Variants in C16orf87 observed in about 807,000 individuals in gnomAD.
C16orf87 encodes UPF0547 protein C16orf87.
In C16orf87, 13 loss-of-function variants were observed where a neutral mutation model predicts 21.0. That is an observed-to-expected ratio of 0.62 (90% CI 0.40 to 0.98). The LOEUF is 0.98. Ranked by LOEUF, C16orf87 falls within the 50% of genes least tolerant of loss-of-function variation. The probability of loss-of-function intolerance (pLI) is 0.00; values close to 1 mark genes in which losing one functional copy is unlikely to be tolerated. For missense variants in C16orf87, 113 were observed against 180.4 expected (o/e 0.63, Z 2.14); for synonymous variants, 49 against 60.2 (o/e 0.81, Z 0.86).
At chr16:46,828,084 A>G (rs1460806066) in intron 1 of C16orf87, among the ~76,000 whole-genome samples, 1 of 151,806 alleles carries the variant, frequency 6.6e-6, no homozygotes, top group Non-Finnish European at 1.5e-5. Flanking sequence ...ACAGAGGTGC[A>G]TGCCACCACA....
intron 1 of C16orf87, among the ~76,000 whole-genome samples, chr16:46,829,211 T>A (rs922205122): frequency 6.6e-5 from 10 of 152,084 alleles, no homozygotes; most frequent in Admixed American, 5.2e-4. Context: ...AAGACAGCCA[T>A]CTGCAAGCCA....
chr16:46,808,123 G>GT (rs1199450916), intron 3 of C16orf87: 1 of 455,630 alleles, frequency 2.2e-6, no homozygotes, highest in Admixed American at 2.4e-5. Context: ...CTCGGCATAG[G>GT]TTTTCTGCAC....
intron 2 of C16orf87, among the ~76,000 whole-genome samples, chr16:46,816,237 G>A (rs1968234701): frequency 6.6e-6 from 1 of 152,166 alleles, no homozygotes; most frequent in South Asian, 2.1e-4. Context: ...TGGGGGAGAA[G>A]GAAGTGGCTG....
At chr16:46,812,937 C>T (rs1968137329) in intron 2 of C16orf87, among the ~76,000 whole-genome samples, 1 of 152,160 alleles carries the variant, frequency 6.6e-6, no homozygotes, top group Admixed American at 6.5e-5. Flanking sequence ...GCTTGATTCT[C>T]AGGCTCCCCC....
At chr16:46,824,862 T>C (rs150085465) in intron 1 of C16orf87, among the ~76,000 whole-genome samples, 1 of 152,048 alleles carries the variant, frequency 6.6e-6, no homozygotes, top group Non-Finnish European at 1.5e-5. Flanking sequence ...GATGGGGTTT[T>C]ACTATATTGG....
intron 1 of C16orf87, among the ~76,000 whole-genome samples, chr16:46,830,307 A>AGAGAGAGAGAGTGAGT (rs758468161): frequency 9.2e-6 from 1 of 109,142 alleles, no homozygotes; most frequent in African/African-American, 3.6e-5. Context: ...AGAGAGAGAG[A>AGAGAGAGAGAGTGAGT]GACACACAGA....
chr16:46,821,675 G>T (rs1438289345), intron 2 of C16orf87, among the ~76,000 whole-genome samples: 2 of 152,096 alleles, frequency 1.3e-5, no homozygotes, highest in Non-Finnish European at 2.9e-5. Flanking sequence ...CTTCTTAGTT[G>T]ATCTGACCTG....
chr16:46,803,040 G>A lies in C16orf87; in HGVS notation c.377C>T (p.Ala126Val), dbSNP rs1239541931. The change falls in exon 4 of 4, where the codon GCT becomes GTT. Residue 126 changes from alanine (A) to valine (V), a missense_variant. By Grantham distance (64) the Ala-to-Val change is moderately conservative. Coordinates refer to ENST00000285697, the MANE Select transcript of C16orf87 (RefSeq NM_001001436.4). ...GAAAGCCTTTTCATCAGACAGGTTA[G>A]CATAGATGTCAATTTCCTTTTCCTG... The part of the protein sequence containing the change: ...EKQEKEIDIY[A>V]NLSDEKAFVF... The A allele has an allele frequency of 6.3e-7, 1 of 1,594,462 alleles. No homozygotes were observed. Among genetic ancestry groups the A allele is most frequent in the Admixed American group, 1.7e-5 (1 of 58,700 alleles).
chr16:46,828,447 G>T (rs1349988300), intron 1 of C16orf87, among the ~76,000 whole-genome samples: 1 of 152,166 alleles, frequency 6.6e-6, no homozygotes, highest in Non-Finnish European at 1.5e-5. Context: ...CAAGAATCTT[G>T]AGCACTGATG....
chr16:46,799,227 T>C lies in C16orf87; in HGVS notation c.*3725A>G, dbSNP rs369045994. The C allele has an allele frequency of 6.6e-6, 1 of 152,292 alleles. No individual in the cohort carries two copies. The highest frequency in any genetic ancestry group is 1.9e-4 in the East Asian group (1 of 5,190). 9.4% of individuals were successfully genotyped at this position (152,292 alleles called of 1,614,324 possible). A position where few individuals can be genotyped will look rare whatever the true frequency, so the allele number is the denominator to read the frequency against. ...GTTGTAATCTTTGAGTAGTAAGTAC[T>C]ACTAATATTCAAACTATAATAAATG... On this transcript the variant is annotated 3_prime_UTR_variant, in exon 4 of 4. Transcript: ENST00000285697.
intron 2 of C16orf87, among the ~76,000 whole-genome samples, chr16:46,812,439 T>C (rs1567310620): frequency 6.6e-6 from 1 of 152,218 alleles, no homozygotes; most frequent in African/African-American, 2.4e-5. Context: ...TTTTTTAATG[T>C]TCATCTTTTG....
chr16:46,804,224 C>T (rs1342800312), intron 3 of C16orf87, among the ~76,000 whole-genome samples: 1 of 152,200 alleles, frequency 6.6e-6, no homozygotes, highest in South Asian at 2.1e-4. Context: ...AGTCTTCCAA[C>T]CTGCTCCAGT....
chr16:46,812,237 C>CT (rs972130019), intron 2 of C16orf87, among the ~76,000 whole-genome samples: 9 of 152,190 alleles, frequency 5.9e-5, no homozygotes, highest in African/African-American at 1.9e-4. Flanking sequence ...GAGCGAGACT[C>CT]TGTCTCAATA....
chr16:46,828,164 G>A (rs571031015), intron 1 of C16orf87, among the ~76,000 whole-genome samples: 4 of 151,548 alleles, frequency 2.6e-5, no homozygotes, highest in East Asian at 3.9e-4. Context: ...TTCTGACCTC[G>A]TGATCCACCT....
intron 1 of C16orf87, among the ~76,000 whole-genome samples, chr16:46,827,460 T>A (rs567209284): frequency 1.7e-3 from 254 of 152,120 alleles, no homozygotes; most frequent in Admixed American, 4.1e-3. Context: ...TTCAGGATTT[T>A]AAAAAAAAGA....
chr16:46,812,427 C>T (rs1968116180), intron 2 of C16orf87, among the ~76,000 whole-genome samples: 1 of 152,008 alleles, frequency 6.6e-6, no homozygotes, highest in Admixed American at 6.6e-5. Context: ...ATTGTGCTTA[C>T]ATTTTTTAAT....
chr16:46,819,039 C>T (rs1311720628), intron 2 of C16orf87, among the ~76,000 whole-genome samples: 1 of 152,118 alleles, frequency 6.6e-6, no homozygotes, highest in African/African-American at 2.4e-5. Context: ...TAGGGTGTGC[C>T]CCAAAAAGAG....
At position 46,831,173 on chromosome 16, in the gene C16orf87, G is replaced by A. The variant is rs1409648922; in HGVS notation, c.-24C>T. The stretch of plus-strand genomic sequence containing the variant: ...ATGCTCCTCTCCCTTAGCGGCGGCA[G>A]CAGCGACGGCTCGGGCTCCTCCCCT... On this transcript the variant is annotated 5_prime_UTR_variant, in exon 1 of 4. Coordinates refer to ENST00000285697, the MANE Select transcript of C16orf87 (RefSeq NM_001001436.4). 6.5e-7 allele frequency: 1 copy of A among 1,547,634 alleles called. No homozygotes were observed. Among genetic ancestry groups the A allele is most frequent in the Non-Finnish European group, 8.8e-7 (1 of 1,141,252 alleles).
chr16:46,822,565 G>C (rs1389105528), intron 2 of C16orf87, among the ~76,000 whole-genome samples: 2 of 152,154 alleles, frequency 1.3e-5, no homozygotes, highest in African/African-American at 2.4e-5. Context: ...GATGAGAAGA[G>C]AACTGAAACA....
Sources: gnomAD v4.1 joint callset for allele counts (sites outside exome capture counted in the v4.1 genomes callset) on GRCh38, gnomAD v4.1.1 for gene constraint, MANE v1.5 for transcripts, NCBI Gene and HGNC (gene_info 2026-07-23, HGNC 2026-07-21) for gene names.